Variants in TXK observed in about 807,000 individuals in gnomAD.
The protein encoded by TXK is TXK tyrosine kinase, also known as tyrosine-protein kinase TXK.
Under a neutral mutation model 81.0 loss-of-function variants are expected in TXK, and 60 were observed. The observed-to-expected ratio is 0.74, with a 90% CI of 0.60 to 0.92. The LOEUF is 0.92. TXK is among the 40% of genes least tolerant of loss of function. The probability of loss-of-function intolerance (pLI) is 0.00; values close to 1 mark genes in which losing one functional copy is unlikely to be tolerated. For missense variants in TXK, 581 were observed against 638.3 expected, an observed-to-expected ratio of 0.91 and a Z score of 0.97; for synonymous variants, 203 against 210.7, an observed-to-expected ratio of 0.96 and a Z score of 0.32.
At chr4:48,120,106 C>T (rs953373875) in intron 1 of TXK, among the ~76,000 whole-genome samples, 8 of 150,494 alleles carry the variant, frequency 5.3e-5, no homozygotes, top group Admixed American at 6.6e-5. Context: ...CACAAATATA[C>T]GTATACATAC....
chr4:48,089,625 A>T (rs1383013825), intron 9 of TXK, 125 bp downstream of exon 9: 2 of 715,086 alleles, frequency 2.8e-6, no homozygotes, highest in Non-Finnish European at 4.9e-6. Context: ...CGCCTGACCT[A>T]AGGTGATCCA....
At position 48,086,563 on chromosome 4, in the gene TXK, A is replaced by C. The variant is rs777399245; in HGVS notation, c.859T>G (p.Leu287Val). 70 of 1,613,974 alleles carry C rather than the reference A, an allele frequency of 4.3e-5. No individual in the cohort carries two copies. Among genetic ancestry groups the C allele is most frequent in the Non-Finnish European group, 5.8e-5 (68 of 1,179,966 alleles). The change falls in exon 10 of 15, where the codon TTA becomes GTA. Residue 287 changes from leucine (L) to valine (V), a missense_variant. Leu to Val is a conservative substitution (Grantham distance 32, BLOSUM62 1). Transcript: ENST00000264316. ...TGGATATGTGACCGCCATTCACCTAAATGGACCACTCCAAACTGACCGCTT... is the reference window on the plus strand; with the variant it reads ...TGGATATGTGACCGCCATTCACCTACATGGACCACTCCAAACTGACCGCTT... ...IGSGQFGVVHLGEWRSHIQVA... is the reference protein window; with the variant it reads ...IGSGQFGVVHVGEWRSHIQVA...
intron 1 of TXK, among the ~76,000 whole-genome samples, chr4:48,119,001 A>G (rs1343668815): frequency 6.6e-6 from 1 of 152,230 alleles, no homozygotes; most frequent in African/African-American, 2.4e-5. Flanking sequence ...CACCATCCCT[A>G]GGTTCACAAG....
intron 1 of TXK, among the ~76,000 whole-genome samples, chr4:48,129,477 T>C (rs1304501223): frequency 6.6e-6 from 1 of 152,134 alleles, no homozygotes; most frequent in Admixed American, 6.5e-5. Context: ...GGAAGAGTGG[T>C]GCTTGACCTG....
chr4:48,133,906 T>C (rs1366792063), intron 1 of TXK, among the ~76,000 whole-genome samples: 2 of 152,228 alleles, frequency 1.3e-5, no homozygotes, highest in African/African-American at 4.8e-5. Context: ...TACACACACA[T>C]ATGCAGATTT....
rs35335229 is a variant in TXK, at chr4:48,086,640, GA to G, written c.785-4del. ...AGATGGATCTATCTCCCACTTTTCT[GA>G]AAAAGTAAAACATCCATGTTACAAG... is the stretch of plus-strand genomic sequence containing the variant. On this transcript the variant is annotated splice_polypyrimidine_tract_variant and splice_region_variant and intron_variant, in intron 9 of 14. Coordinates refer to ENST00000264316, the MANE Select transcript of TXK (RefSeq NM_003328.3). 6.2e-7 allele frequency: 1 copy of G among 1,610,844 alleles called. No individual in the cohort carries two copies. Among genetic ancestry groups the G allele is most frequent in the Admixed American group, 1.7e-5 (1 of 59,310 alleles).
chr4:48,072,567 A>G (rs1355447979), intron 13 of TXK, among the ~76,000 whole-genome samples: 1 of 152,244 alleles, frequency 6.6e-6, no homozygotes, highest in Non-Finnish European at 1.5e-5. Context: ...CTCCTGCAAG[A>G]ACTCCTAATT....
At chr4:48,120,785 C>T (rs939692181) in intron 1 of TXK, among the ~76,000 whole-genome samples, 4 of 151,970 alleles carry the variant, frequency 2.6e-5, no homozygotes, top group South Asian at 2.1e-4. Context: ...GCCAGTCCTC[C>T]GGCCCTAGAA....
chr4:48,094,771 C>T (rs1023271082), intron 7 of TXK, among the ~76,000 whole-genome samples: 10 of 152,150 alleles, frequency 6.6e-5, no homozygotes, highest in African/African-American at 2.2e-4. Flanking sequence ...AGCTTAGCCA[C>T]GGGGCGCACA....
intron 5 of TXK, among the ~76,000 whole-genome samples, chr4:48,108,759 G>A (rs1053180187): frequency 5.3e-5 from 8 of 152,164 alleles, no homozygotes; most frequent in African/African-American, 1.9e-4. Flanking sequence ...AAGGAAATGA[G>A]GTAGCAGTTG....
At chr4:48,121,278 G>A (rs1718954039) in intron 1 of TXK, among the ~76,000 whole-genome samples, 3 of 152,196 alleles carry the variant, frequency 2.0e-5, no homozygotes, top group East Asian at 3.8e-4. Flanking sequence ...AACAGGAGAT[G>A]AAATCTGAAC....
chr4:48,120,818 T>A (rs188640223), intron 1 of TXK, among the ~76,000 whole-genome samples: 233 of 151,798 alleles, frequency 1.5e-3, no homozygotes, highest in African/African-American at 4.9e-3. Flanking sequence ...ACTTGCTGTC[T>A]CCAACTGCTC....
At chr4:48,127,779 G>A (rs1031476194) in intron 1 of TXK, among the ~76,000 whole-genome samples, 12 of 152,154 alleles carry the variant, frequency 7.9e-5, no homozygotes, top group South Asian at 4.1e-4. Context: ...TTTAGAAACC[G>A]GCACATCTGT....
At position 48,074,040 on chromosome 4, in the gene TXK, C is replaced by T; in HGVS notation, c.1252G>A (p.Asp418Asn). 1.9e-6 allele frequency: 3 copies of T among 1,613,204 alleles called. No individual in the cohort carries two copies. The highest frequency in any genetic ancestry group is 1.7e-6 in the Non-Finnish European group (2 of 1,179,354). Residue 418 changes from aspartate (D) to asparagine (N), a missense_variant, in exon 13 of 15, where the codon GAT becomes AAT. Asp to Asn is a conservative substitution (Grantham distance 23). Transcript: ENST00000264316. The part of the protein sequence containing the change: ...DFGMTRYVLD[D>N]EYVSSFGAKF... ...GCTCCAAAAGAACTGACATACTCAT[C>T]ATCCAAAACGTACCTAAGTTTATCA...
intron 1 of TXK, among the ~76,000 whole-genome samples, chr4:48,119,472 C>A (rs1414073095): frequency 2.0e-5 from 3 of 152,128 alleles, no homozygotes; most frequent in Non-Finnish European, 2.9e-5. Context: ...AAGTCCAAGC[C>A]CAGGCAAGGA....
Position 48,073,874 on chromosome 4 carries a change from A to G in TXK, c.1357+61T>C, listed in dbSNP as rs1716958779. On this transcript the variant is annotated intron_variant, in intron 13 of 14. Coordinates refer to ENST00000264316, the MANE Select transcript of TXK (RefSeq NM_003328.3). ...TATCAATTAGGAAATCAAAGTTAAAAATAACACATTGCCCATTTTATTAAA... is the reference window on the plus strand; with the variant it reads ...TATCAATTAGGAAATCAAAGTTAAAGATAACACATTGCCCATTTTATTAAA... The G allele has an allele frequency of 3.5e-6, 4 of 1,127,318 alleles. No individual in the cohort carries two copies. In the South Asian group the frequency reaches 6.0e-5, roughly 17 times the overall value. The allele number at this position is 1,127,318 out of a possible 1,614,324, so 69.8% of individuals were successfully genotyped here.
chr4:48,104,922 T>C lies in TXK; in HGVS notation c.480A>G (p.Ala160=). The C allele has an allele frequency of 2.5e-6, 4 of 1,596,460 alleles. No individual in the cohort carries two copies. Among genetic ancestry groups the C allele is most frequent in the Non-Finnish European group, 3.4e-6 (4 of 1,171,956 alleles). Residue 160 remains alanine (A), a synonymous_variant, in exon 6 of 15, where the codon GCA becomes GCG. Coordinates refer to ENST00000264316, the MANE Select transcript of TXK (RefSeq NM_003328.3). The part of the protein sequence containing the change: ...WYHRNITRNQ[A]EHLLRQESKE... ...TTACCTCTTGTCTCAATAGATGTTC[T>C]GCCTGATTTCTGGTAATGTTTCTAT...
At chr4:48,125,221 C>T (rs974463315) in intron 1 of TXK, among the ~76,000 whole-genome samples, 1 of 152,262 alleles carries the variant, frequency 6.6e-6, no homozygotes, top group East Asian at 1.9e-4. Context: ...CACAATAGGA[C>T]TATCCTTGTG....
intron 13 of TXK, among the ~76,000 whole-genome samples, chr4:48,072,472 C>T (rs1203428356): frequency 2.6e-5 from 4 of 152,218 alleles, no homozygotes; most frequent in African/African-American, 9.7e-5. Flanking sequence ...AAAGATTAGA[C>T]TGATGGGCAG....
Sources: gnomAD v4.1 joint callset for allele counts (sites outside exome capture counted in the v4.1 genomes callset) on GRCh38, gnomAD v4.1.1 for gene constraint, MANE v1.5 for transcripts, NCBI Gene and HGNC (gene_info 2026-07-23, HGNC 2026-07-21) for gene names.